The following FGF14 variants were observed in gnomAD, a reference collection of about 807,000 sequenced individuals.
FGF14 encodes the protein fibroblast growth factor 14.
In FGF14, 5 loss-of-function variants were observed where a neutral mutation model predicts 25.5. The observed-to-expected ratio is 0.20, with a 90% confidence interval of 0.10 to 0.41. FGF14 has a LOEUF of 0.41. FGF14 is among the 10% of genes least tolerant of loss of function. FGF14 has a pLI of 1.00. For synonymous variants in FGF14, 138 were observed against 118.3 expected, an observed-to-expected ratio of 1.17 and a Z score of -1.08; for missense variants, 222 against 320.1, an observed-to-expected ratio of 0.69 and a Z score of 2.34.
At chr13:101,861,550 T>C (rs1423852271) in intron 3 of FGF14, among the ~76,000 whole-genome samples, 2 of 139,070 alleles carry the variant, frequency 1.4e-5, no homozygotes, top group East Asian at 5.6e-4. Flanking sequence ...CAGACACTAG[T>C]GTCTGCAAGG....
chr13:101,731,125 A>G (rs937424330), intron 3 of FGF14, among the ~76,000 whole-genome samples: 3 of 152,196 alleles, frequency 2.0e-5, no homozygotes, highest in Non-Finnish European at 4.4e-5. Flanking sequence ...AGCAAGAACC[A>G]AAGAAAGAGG....
At chr13:101,819,256 CAAGAA>C (rs1373025050) in intron 3 of FGF14, among the ~76,000 whole-genome samples, 3 of 151,916 alleles carry the variant, frequency 2.0e-5, no homozygotes, top group Admixed American at 2.0e-4. Context: ...AGAAGGGCAG[CAAGAA>C]AAGAAGGGAA....
At chr13:102,369,080 T>C (rs181567895) in intron 1 of FGF14, among the ~76,000 whole-genome samples, 42 of 152,322 alleles carry the variant, frequency 2.8e-4, no homozygotes, top group African/African-American at 9.4e-4. Context: ...AAACTAATCA[T>C]GTGTCTTTTC....
rs535708691 is a variant in FGF14 at position 101,766,810 on chromosome 13, T to C, written c.409-40000A>G. 2.0e-5 allele frequency among the ~76,000 whole-genome samples: 3 copies of C among 152,242 alleles called. No homozygotes were observed. In the East Asian group the frequency reaches 5.8e-4, roughly 29 times the overall value. ...AAACACACACACAGGGGACACCATG[T>C]GAAGGCAGAGGTAGAGATTAGGGTG... On this transcript the variant is annotated intron_variant, in intron 3 of 4. Coordinates refer to ENST00000376143, the MANE Select transcript of FGF14 (RefSeq NM_004115.4).
At chr13:102,170,434 G>A (rs1421214865) in intron 1 of FGF14, among the ~76,000 whole-genome samples, 1 of 151,724 alleles carries the variant, frequency 6.6e-6, no homozygotes, top group Non-Finnish European at 1.5e-5. Flanking sequence ...CTACACCCAA[G>A]CAGATGGCTG....
rs376472596 is a variant in FGF14, at chr13:102,271,257, A to C, written c.208+130214T>G. Among the ~76,000 whole-genome samples, 5 of 152,234 alleles carry C rather than the reference A, an allele frequency of 3.3e-5. No homozygotes were observed. In the South Asian group the frequency reaches 8.3e-4, roughly 25 times the overall value. On this transcript the variant is annotated intron_variant, in intron 1 of 4. Transcript: ENST00000376131. Reference sequence around the variant, plus strand: ...CTTTGCCAAATTTTTAACAATTTTTATATCTCATATTGGTTTGCCAGTTCC... The same window carrying C: ...CTTTGCCAAATTTTTAACAATTTTTCTATCTCATATTGGTTTGCCAGTTCC...
chr13:101,850,198 C>A (rs2043678876), intron 3 of FGF14, among the ~76,000 whole-genome samples: 1 of 138,252 alleles, frequency 7.2e-6, no homozygotes, highest in South Asian at 2.3e-4. Flanking sequence ...CTTTGGGAGG[C>A]TAAGGTGGGT....
intron 1 of FGF14, among the ~76,000 whole-genome samples, chr13:102,225,704 C>T (rs151182711): frequency 0.015 from 2,256 of 152,300 alleles, 28 homozygotes; most frequent in Non-Finnish European, 0.024. Flanking sequence ...TGTTTTGACT[C>T]TCAGCTCTGC....
chr13:101,952,503 A>G (rs1197558525), intron 1 of FGF14, among the ~76,000 whole-genome samples: 8 of 152,158 alleles, frequency 5.3e-5, no homozygotes, highest in Admixed American at 5.2e-4. Flanking sequence ...TTGCATAAGA[A>G]TAATAAATCT....
At chr13:102,338,398 G>C (rs1360977) in intron 1 of FGF14, among the ~76,000 whole-genome samples, 31,245 of 152,116 alleles carry the variant, frequency 0.21, 3,246 homozygotes, top group South Asian at 0.23. Flanking sequence ...TCCTGCTCTG[G>C]AGAGAGTGGG....
intron 1 of FGF14, among the ~76,000 whole-genome samples, chr13:101,915,280 T>C (rs139430827): frequency 6.6e-6 from 1 of 152,276 alleles, no homozygotes; most frequent in Non-Finnish European, 1.5e-5. Context: ...TTTGCAAATG[T>C]AAGGACACGC....
intron 3 of FGF14, among the ~76,000 whole-genome samples, chr13:101,766,008 C>A (rs1314761542): frequency 6.6e-6 from 1 of 152,182 alleles, no homozygotes. Flanking sequence ...GGATTACAGG[C>A]ATGAGCCACT....
chr13:102,402,370 G>C (rs1162831365), upstream of FGF14: 2 of 152,338 alleles, frequency 1.3e-5, no homozygotes, highest in Non-Finnish European at 2.9e-5. Context: ...CAACAACCGT[G>C]AGCATGAGGA....
In FGF14 at chr13:101,905,818, G is replaced by A. The variant is rs189823999; in HGVS notation, c.193+10635C>T. Among the ~76,000 whole-genome samples, 292 of 152,138 alleles carry A rather than the reference G, an allele frequency of 1.9e-3. 1 individual carries two copies. Among genetic ancestry groups the A allele is most frequent in the Admixed American group, 3.5e-3 (53 of 15,276 alleles). On this transcript the variant is annotated intron_variant, in intron 1 of 4. Transcript: ENST00000376143. ...TAATGCTGACTTTTATTATGATTAA[G>A]GATTCATTGAGTTAATTCTAAAACT...
chr13:102,162,485 A>G (rs560932132), intron 1 of FGF14, among the ~76,000 whole-genome samples: 1 of 152,330 alleles, frequency 6.6e-6, no homozygotes, highest in African/African-American at 2.4e-5. Context: ...GATAGAGACT[A>G]ATATCCAGGC....
At chr13:102,075,918 A>T (rs1595187174) in intron 1 of FGF14, among the ~76,000 whole-genome samples, 2 of 151,520 alleles carry the variant, frequency 1.3e-5, no homozygotes, top group South Asian at 4.1e-4. Flanking sequence ...TAAATTCTAG[A>T]AAAAACCTTA....
chr13:101,741,818 C>T (rs1324852904), intron 3 of FGF14, among the ~76,000 whole-genome samples: 1 of 152,106 alleles, frequency 6.6e-6, no homozygotes, highest in Non-Finnish European at 1.5e-5. Context: ...ACTAAAAAGG[C>T]CAACTAAAAG....
intron 1 of FGF14, among the ~76,000 whole-genome samples, chr13:101,939,223 G>A (rs1218359398): frequency 1.3e-5 from 2 of 152,142 alleles, no homozygotes; most frequent in African/African-American, 4.8e-5. Flanking sequence ...AGAAACAATT[G>A]TTCAATACAA....
chr13:102,052,491 AAC>A (rs1417951171), intron 1 of FGF14, among the ~76,000 whole-genome samples: 3 of 144,522 alleles, frequency 2.1e-5, no homozygotes, highest in Non-Finnish European at 4.6e-5. Flanking sequence ...GAAAAATTGT[AAC>A]CAATTTTTCA....
Sources: allele counts gnomAD v4.1 joint callset (sites outside exome capture counted in the v4.1 genomes callset), GRCh38; gene constraint gnomAD v4.1.1; transcripts MANE v1.5; gene names NCBI Gene and HGNC (gene_info 2026-07-23, HGNC 2026-07-21).